TMEM232: variants seen among roughly 807,000 people sequenced by gnomAD.
The protein encoded by TMEM232 is transmembrane protein 232.
TMEM232 carries 80 observed loss-of-function variants against 78.8 expected under a neutral mutation model. That is an observed-to-expected ratio of 1.01 (90% CI 0.85 to 1.22). The LOEUF (loss-of-function observed/expected upper bound fraction) is 1.22, where lower values mean the gene tolerates loss of function less well. Ranked by LOEUF, TMEM232 falls within the 50% of genes most tolerant of loss-of-function variation. The probability of loss-of-function intolerance (pLI) is 0.00; values close to 1 mark genes in which losing one functional copy is unlikely to be tolerated. For synonymous variants in TMEM232, 297 were observed against 254.3 expected (o/e 1.17, Z -1.60); for missense variants, 881 against 742.2 (o/e 1.19, Z -2.17).
chr5:110,663,022 C>G (rs1790018124), intron 2 of TMEM232, among the ~76,000 whole-genome samples: 1 of 151,938 alleles, frequency 6.6e-6, no homozygotes, highest in Non-Finnish European at 1.5e-5. Flanking sequence ...TATACATATC[C>G]TCTGACCCAG....
chr5:110,409,966 C>T (rs1755928844), intron 2 of TMEM232, among the ~76,000 whole-genome samples: 1 of 152,168 alleles, frequency 6.6e-6, no homozygotes, highest in South Asian at 2.1e-4. Flanking sequence ...TGCTTCAAGT[C>T]CCACATTGCT....
In TMEM232 at chr5:110,424,308, G is replaced by A. The variant is rs531147189; in HGVS notation, c.1797+515C>T. On this transcript the variant is annotated intron_variant, in intron 13 of 13. Transcript: ENST00000455884. ...TTTTAATTCTACTCTTTAAAAGAAC[G>A]AGGCATAAAATGATGTGTATTTGGT... Among the ~76,000 whole-genome samples the A allele has an allele frequency of 7.2e-5, 11 of 152,108 alleles. 1 individual carries two copies. In the South Asian group the frequency reaches 1.5e-3, roughly 20 times the overall value.
intron 11 of TMEM232, among the ~76,000 whole-genome samples, chr5:110,537,549 T>C (rs1189172236): frequency 3.3e-5 from 5 of 152,116 alleles, no homozygotes; most frequent in Admixed American, 6.5e-5. Context: ...ATGACCTCCT[T>C]TTACAAGGGC....
At chr5:110,704,651 C>T (rs530911313) in intron 1 of TMEM232, among the ~76,000 whole-genome samples, 81 of 151,904 alleles carry the variant, frequency 5.3e-4, no homozygotes, top group African/African-American at 1.9e-3. Context: ...ATCAAGTGGA[C>T]ATTGAAACCC....
At chr5:110,695,254 T>G (rs960054981) in intron 1 of TMEM232, among the ~76,000 whole-genome samples, 5 of 152,004 alleles carry the variant, frequency 3.3e-5, no homozygotes, top group Non-Finnish European at 5.9e-5. Context: ...TCGAAACCAA[T>G]GAGAACAAAG....
At chr5:110,425,813 T>C (rs1210835601) in intron 12 of TMEM232, among the ~76,000 whole-genome samples, 2 of 152,084 alleles carry the variant, frequency 1.3e-5, no homozygotes, top group Non-Finnish European at 2.9e-5. Context: ...CACTTTACTC[T>C]TGTCTCTATA....
intron 12 of TMEM232, among the ~76,000 whole-genome samples, chr5:110,489,541 A>G (rs142797942): frequency 6.6e-6 from 1 of 152,120 alleles, no homozygotes; most frequent in Non-Finnish European, 1.5e-5. Flanking sequence ...AAAAGCCAAA[A>G]GATAACATCA....
chr5:110,700,942 G>C (rs1795376954), intron 1 of TMEM232, among the ~76,000 whole-genome samples: 1 of 151,816 alleles, frequency 6.6e-6, no homozygotes, highest in Non-Finnish European at 1.5e-5. Context: ...TCAAATATTA[G>C]GGGTATCTAA....
At chr5:110,445,173 C>T (rs971814860) in intron 12 of TMEM232, among the ~76,000 whole-genome samples, 4 of 151,344 alleles carry the variant, frequency 2.6e-5, no homozygotes, top group Admixed American at 2.0e-4. Context: ...TTCTGATTGC[C>T]TTCTACATTT....
intron 11 of TMEM232, among the ~76,000 whole-genome samples, chr5:110,564,271 A>C (rs1457723405): frequency 2.0e-5 from 3 of 152,014 alleles, no homozygotes; most frequent in Admixed American, 1.3e-4. Flanking sequence ...ACTTGCCTCA[A>C]AATAAGACGT....
intron 11 of TMEM232, among the ~76,000 whole-genome samples, chr5:110,563,274 T>C (rs1402614314): frequency 3.9e-5 from 6 of 151,994 alleles, no homozygotes; most frequent in Non-Finnish European, 5.9e-5. Flanking sequence ...ATATTTGCTA[T>C]GTCTGATTGA....
intron 12 of TMEM232, among the ~76,000 whole-genome samples, chr5:110,434,186 T>A (rs1192446972): frequency 1.3e-5 from 2 of 150,386 alleles, no homozygotes; most frequent in Non-Finnish European, 3.0e-5. Flanking sequence ...AACTTGGTTC[T>A]TTGAAAGGAT....
chr5:110,492,594 T>G (rs888877444), intron 12 of TMEM232, among the ~76,000 whole-genome samples: 2 of 151,970 alleles, frequency 1.3e-5, no homozygotes, highest in African/African-American at 4.8e-5. Flanking sequence ...CAAACCATTC[T>G]GTTTACATTA....
At chr5:110,392,515 G>C (rs1755236992) in intron 3 of TMEM232, among the ~76,000 whole-genome samples, 1 of 152,174 alleles carries the variant, frequency 6.6e-6, no homozygotes, top group South Asian at 2.1e-4. Context: ...AATGGAGACT[G>C]AGAAGTCCAA....
chr5:110,436,321 A>G (rs1012394219), intron 12 of TMEM232, among the ~76,000 whole-genome samples: 1 of 151,958 alleles, frequency 6.6e-6, no homozygotes, highest in Non-Finnish European at 1.5e-5. Context: ...ATTTTTCTAT[A>G]GAGTTGTTTG....
chr5:110,732,701 G>A (rs762767040), intron 2 of TMEM232, among the ~76,000 whole-genome samples: 1 of 152,310 alleles, frequency 6.6e-6, no homozygotes, highest in Non-Finnish European at 1.5e-5. Context: ...AATTCAAGTT[G>A]AGATTTGGGT....
At chr5:110,462,872 G>A (rs967327738) in intron 12 of TMEM232, among the ~76,000 whole-genome samples, 2 of 152,162 alleles carry the variant, frequency 1.3e-5, no homozygotes, top group Admixed American at 6.5e-5. Context: ...TGACAATTGC[G>A]GCAAACTCAT....
chr5:110,479,167 GC>G (rs1293734049), intron 12 of TMEM232, among the ~76,000 whole-genome samples: 1 of 151,618 alleles, frequency 6.6e-6, no homozygotes, highest in Non-Finnish European at 1.5e-5. Context: ...GTTTTTAAGG[GC>G]TGAGGTATTA....
At chr5:110,517,790 C>T (rs1768891659) in intron 12 of TMEM232, among the ~76,000 whole-genome samples, 2 of 152,166 alleles carry the variant, frequency 1.3e-5, no homozygotes, top group East Asian at 1.9e-4. Context: ...AAGCAGATAG[C>T]ATTTTTTCTA....
Sources: allele counts gnomAD v4.1 joint callset (sites outside exome capture counted in the v4.1 genomes callset), GRCh38; gene constraint gnomAD v4.1.1; transcripts MANE v1.5; gene names NCBI Gene and HGNC (gene_info 2026-07-23, HGNC 2026-07-21).